RNF32: variants seen among roughly 807,000 people sequenced by gnomAD.
RNF32 encodes ring finger protein 32.
In RNF32, 36 loss-of-function variants were observed where a neutral mutation model predicts 41.0. The observed-to-expected ratio is 0.88, with a 90% CI of 0.67 to 1.16. The LOEUF (loss-of-function observed/expected upper bound fraction) is 1.16, where lower values mean the gene tolerates loss of function less well. Among genes scored for constraint, RNF32 ranks in the 50% most tolerant of loss-of-function variants. The probability of loss-of-function intolerance (pLI) is 0.00; values close to 1 mark genes in which losing one functional copy is unlikely to be tolerated. For synonymous variants in RNF32, 154 were observed against 160.9 expected (o/e 0.96, Z 0.32); for missense variants, 413 against 436.7 (o/e 0.95, Z 0.48).
At chr7:156,667,024 T>C (rs554002312) in intron 7 of RNF32, among the ~76,000 whole-genome samples, 64 of 152,322 alleles carry the variant, frequency 4.2e-4, no homozygotes, top group African/African-American at 1.5e-3. Flanking sequence ...TCTCTGACTT[T>C]TTTCATTTAC....
At chr7:156,653,219 A>C (rs1799028585) in intron 3 of RNF32, among the ~76,000 whole-genome samples, 1 of 152,134 alleles carries the variant, frequency 6.6e-6, no homozygotes, top group Non-Finnish European at 1.5e-5. Flanking sequence ...CCATGTTTGG[A>C]AGCACAGATC....
rs549078284 is a variant in RNF32 at position 156,670,557 on chromosome 7, ATTTTG to A, written c.685-5134_685-5130del. ...AAGAAGCCCAAGGAAGCCCAATATG[ATTTTG>A]TTTTAAGTGTCTAGTGAGCCTGCAG... On this transcript the variant is annotated intron_variant, in intron 7 of 8. Coordinates refer to ENST00000317955, the MANE Select transcript of RNF32 (RefSeq NM_030936.4). This position sits in a 1 kb window ranked among gnomAD's most constrained non-coding sequence, Gnocchi z 4.3. Among the ~76,000 whole-genome samples, 22 of 152,326 alleles carry A rather than the reference ATTTTG, an allele frequency of 1.4e-4. No individual in the cohort carries two copies. In the South Asian group the frequency reaches 2.9e-3, roughly 20 times the overall value.
Position 156,661,097 on chromosome 7 carries a change from A to G in RNF32, c.684+2527A>G, listed in dbSNP as rs988527779. ...GCGGCATGACTGTCCCTTGCCGGGC[A>G]TGGCCTTAGGTCTTGTTTGTACTTT... is the stretch of plus-strand genomic sequence containing the variant. On this transcript the variant is annotated intron_variant, in intron 7 of 8. Coordinates refer to ENST00000317955, the MANE Select transcript of RNF32 (RefSeq NM_030936.4). Among the ~76,000 whole-genome samples the G allele has an allele frequency of 2.6e-5, 4 of 152,216 alleles. No homozygotes were observed. The East Asian group carries it at 7.7e-4, about 29-fold the overall frequency.
Position 156,660,170 on chromosome 7 carries a change from C to T in RNF32, c.684+1600C>T. On this transcript the variant is annotated intron_variant, in intron 7 of 8. Coordinates refer to ENST00000317955, the MANE Select transcript of RNF32 (RefSeq NM_030936.4). ...TCTGCTTTTCTGAGCACACTCTTGC[C>T]CGCCCCCGCATGTCCTGCCCGTTCC... 6 of 985,678 alleles carry T rather than the reference C, an allele frequency of 6.1e-6. 1 individual carries two copies. In the South Asian group the frequency reaches 2.8e-4, roughly 46 times the overall value. The allele number at this position is 985,678 out of a possible 1,614,324, so 61.1% of individuals were successfully genotyped here.
chr7:156,651,403 G>A (rs868301003), intron 3 of RNF32, among the ~76,000 whole-genome samples: 11 of 151,740 alleles, frequency 7.2e-5, no homozygotes, highest in Admixed American at 2.0e-4. Flanking sequence ...TAGTAGAGAC[G>A]GGGTTTCACC....
intron 3 of RNF32, among the ~76,000 whole-genome samples, chr7:156,653,672 A>AT (rs1799110770): frequency 6.6e-6 from 1 of 152,144 alleles, no homozygotes; most frequent in African/African-American, 2.4e-5. Flanking sequence ...CGCTTCCTGC[A>AT]TTTTGCCTGA....
chr7:156,640,516 G>A, upstream of RNF32: 1 of 358,596 alleles, frequency 2.8e-6, no homozygotes. Flanking sequence ...CCCGCTGCGC[G>A]AGCCTCGACG....
Position 156,657,575 on chromosome 7 carries a change from T to TA in RNF32, c.450+4dup. ...TCATGCTCCCATGTGTTCCACAAAG[T>TA]AAGTCCACCCCTCACGCCTGCCCAG... is the stretch of plus-strand genomic sequence containing the variant. On this transcript the variant is annotated splice_region_variant and intron_variant, in intron 5 of 8. Transcript: ENST00000317955. 1 of 1,614,084 alleles carries TA rather than the reference T, an allele frequency of 6.2e-7. No individual in the cohort carries two copies. The highest frequency in any genetic ancestry group is 8.5e-7 in the Non-Finnish European group (1 of 1,179,926).
At chr7:156,647,134 G>A (rs751649755) in intron 3 of RNF32, among the ~76,000 whole-genome samples, 2 of 152,196 alleles carry the variant, frequency 1.3e-5, no homozygotes, top group Non-Finnish European at 2.9e-5. Context: ...TTAAAGGCGT[G>A]AGTCACCATG....
intron 7 of RNF32, among the ~76,000 whole-genome samples, chr7:156,666,609 T>C (rs960061907): frequency 2.6e-5 from 4 of 152,210 alleles, no homozygotes; most frequent in Admixed American, 6.5e-5. Flanking sequence ...CACTCAGAAA[T>C]GCCTGTGTCA....
intron 7 of RNF32, among the ~76,000 whole-genome samples, chr7:156,665,153 C>T (rs566529047): frequency 4.1e-4 from 62 of 152,282 alleles, no homozygotes; most frequent in African/African-American, 1.4e-3. Flanking sequence ...TCAGATTCAT[C>T]GGTGTCTATA....
At chr7:156,673,759 A>C (rs1803130269) in intron 7 of RNF32, among the ~76,000 whole-genome samples, 1 of 152,306 alleles carries the variant, frequency 6.6e-6, no homozygotes, top group African/African-American at 2.4e-5. Flanking sequence ...GGCAGCTCAT[A>C]GTCTCCACAG....
upstream of RNF32, chr7:156,640,402 C>G (rs1379501020): frequency 7.1e-6 from 3 of 425,154 alleles, no homozygotes; most frequent in Non-Finnish European, 1.4e-5. Context: ...ACAGCGAAGC[C>G]GGCGCGGGGC....
At position 156,676,751 on chromosome 7, in the gene RNF32, A is replaced by G; in HGVS notation, c.*96A>G. 1 of 862,086 alleles carries G rather than the reference A, an allele frequency of 1.2e-6. No homozygotes were observed. 53.4% of individuals were successfully genotyped at this position (862,086 alleles called of 1,614,324 possible). On this transcript the variant is annotated 3_prime_UTR_variant, in exon 9 of 9. Coordinates refer to ENST00000317955, the MANE Select transcript of RNF32 (RefSeq NM_030936.4). Reference sequence around the variant, plus strand: ...GTTCTGGGTTAAGTACTACAATGTAATCTGTTTCCCAGGGAAATAAGCTAT... The same window carrying G: ...GTTCTGGGTTAAGTACTACAATGTAGTCTGTTTCCCAGGGAAATAAGCTAT...
intron 7 of RNF32, among the ~76,000 whole-genome samples, chr7:156,672,393 C>T (rs554353083): frequency 6.6e-6 from 1 of 152,212 alleles, no homozygotes; most frequent in Non-Finnish European, 1.5e-5. Flanking sequence ...GACCTGTATG[C>T]CACAGTGACT....
intron 3 of RNF32, among the ~76,000 whole-genome samples, chr7:156,648,535 C>T (rs1325849151): frequency 1.3e-5 from 2 of 152,110 alleles, no homozygotes; most frequent in Non-Finnish European, 2.9e-5. Flanking sequence ...TAAAGAGGAA[C>T]GTCCCAATTT....
chr7:156,654,922 C>T, intron 4 of RNF32: 1 of 480,144 alleles, frequency 2.1e-6, no homozygotes, highest in African/African-American at 1.9e-5. Context: ...TGTTTACTAA[C>T]TGGTATTCTC....
chr7:156,647,930 C>T (rs1003049050), intron 3 of RNF32, among the ~76,000 whole-genome samples: 52 of 151,978 alleles, frequency 3.4e-4, no homozygotes, highest in Admixed American at 2.8e-3. Flanking sequence ...TCCCTGATGA[C>T]GAGTGACGAC....
At chr7:156,659,129 AT>A (rs750568319) in intron 7 of RNF32, 89 of 1,345,040 alleles carry the variant, frequency 6.6e-5, no homozygotes, top group East Asian at 5.1e-4. Context: ...CCTTGTCCCC[AT>A]ATGAAAAGGA....
Sources: allele counts gnomAD v4.1 joint callset (sites outside exome capture counted in the v4.1 genomes callset), GRCh38; gene constraint gnomAD v4.1.1; non-coding constraint Gnocchi (gnomAD v3.1); transcripts MANE v1.5; gene names NCBI Gene and HGNC (gene_info 2026-07-23, HGNC 2026-07-21).